The following MEI4 variants were observed in gnomAD, a reference collection of about 807,000 sequenced individuals.
MEI4 encodes the protein meiosis-specific protein MEI4.
In MEI4, 27 loss-of-function variants were observed where a neutral mutation model predicts 31.4. The ratio of observed to expected loss-of-function variants is 0.86; its 90% confidence interval spans 0.63 to 1.19. The LOEUF (loss-of-function observed/expected upper bound fraction) is 1.19, where lower values mean the gene tolerates loss of function less well. MEI4 is among the 50% of genes most tolerant of loss of function. MEI4 has a pLI of 0.00. For synonymous variants in MEI4, 122 were observed against 145.4 expected (o/e 0.84, Z 1.16); for missense variants, 329 against 398.9 (o/e 0.82, Z 1.49).
At chr6:77,758,622 A>G (rs1009137535) in intron 2 of MEI4, among the ~76,000 whole-genome samples, 5 of 152,042 alleles carry the variant, frequency 3.3e-5, no homozygotes. Flanking sequence ...GCACAACCCT[A>G]TACTTTTTCA....
At chr6:77,665,326 A>G (rs1033989959) in intron 1 of MEI4, among the ~76,000 whole-genome samples, 1 of 152,048 alleles carries the variant, frequency 6.6e-6, no homozygotes, top group African/African-American at 2.4e-5. Context: ...GTGAAAGATA[A>G]GGGGTTGAGG....
At chr6:77,713,424 A>C (rs201413720) in intron 2 of MEI4, among the ~76,000 whole-genome samples, 3 of 37,158 alleles carry the variant, frequency 8.1e-5, no homozygotes, top group Admixed American at 2.9e-4. Context: ...ATTCTGTCTT[A>C]TATAAACAAC....
chr6:77,872,364 G>A (rs1014450869), intron 4 of MEI4, among the ~76,000 whole-genome samples: 4 of 152,160 alleles, frequency 2.6e-5, no homozygotes, highest in African/African-American at 9.6e-5. Context: ...AGGATTGCTT[G>A]AGCCCTGGAG....
At chr6:77,761,931 C>A (rs1768056225) in intron 3 of MEI4, among the ~76,000 whole-genome samples, 1 of 152,144 alleles carries the variant, frequency 6.6e-6, no homozygotes, top group South Asian at 2.1e-4. Flanking sequence ...ATTATCAGCA[C>A]CCTTGGATTC....
chr6:77,742,210 G>T (rs535991417), intron 2 of MEI4, among the ~76,000 whole-genome samples: 266 of 151,810 alleles, frequency 1.8e-3, no homozygotes, highest in African/African-American at 4.2e-3. Context: ...ACTTCCACAA[G>T]GGTTGAACTA....
chr6:77,687,156 G>A (rs943103065), intron 1 of MEI4, among the ~76,000 whole-genome samples: 1 of 151,948 alleles, frequency 6.6e-6, no homozygotes. Flanking sequence ...TGTTACTATG[G>A]TAAGAACTGC....
At chr6:77,790,170 G>A (rs547678505) in intron 3 of MEI4, among the ~76,000 whole-genome samples, 12 of 148,448 alleles carry the variant, frequency 8.1e-5, no homozygotes, top group South Asian at 2.1e-4. Context: ...AGCAAACACC[G>A]CATGTTCTCA....
chr6:77,869,859 A>G (rs1384925114), intron 4 of MEI4, among the ~76,000 whole-genome samples: 1 of 152,152 alleles, frequency 6.6e-6, no homozygotes, highest in African/African-American at 2.4e-5. Flanking sequence ...ATATTTGGTG[A>G]ATACGAGAGT....
At chr6:77,761,857 T>C (rs960822855) in intron 3 of MEI4, among the ~76,000 whole-genome samples, 192 bp downstream of exon 3, 5 of 152,192 alleles carry the variant, frequency 3.3e-5, no homozygotes, top group African/African-American at 1.2e-4. Flanking sequence ...ACAGCATAGT[T>C]TTCTGCATAG....
chr6:77,691,795 CA>C (rs961221522), intron 2 of MEI4, among the ~76,000 whole-genome samples: 2 of 151,894 alleles, frequency 1.3e-5, no homozygotes, highest in African/African-American at 4.8e-5. Context: ...AACACAGGGG[CA>C]AACCTGGGTT....
intron 1 of MEI4, among the ~76,000 whole-genome samples, chr6:77,670,440 T>C (rs949038170): frequency 6.6e-6 from 1 of 152,098 alleles, no homozygotes; most frequent in Non-Finnish European, 1.5e-5. Context: ...TAGGTTAAAA[T>C]CTTAGCACTG....
At chr6:77,817,505 C>A (rs1016039629) in intron 3 of MEI4, among the ~76,000 whole-genome samples, 1 of 152,098 alleles carries the variant, frequency 6.6e-6, no homozygotes, top group Non-Finnish European at 1.5e-5. Context: ...GTGCCTTTTT[C>A]ATTCCCCATA....
chr6:77,748,271 G>A (rs989675330), intron 2 of MEI4, among the ~76,000 whole-genome samples: 3 of 152,224 alleles, frequency 2.0e-5, no homozygotes, highest in African/African-American at 7.2e-5. Flanking sequence ...CTCTCCCCCT[G>A]CAGCAGACTT....
intron 4 of MEI4, among the ~76,000 whole-genome samples, chr6:77,889,532 G>A (rs1427692486): frequency 6.6e-6 from 1 of 152,200 alleles, no homozygotes; most frequent in Non-Finnish European, 1.5e-5. Flanking sequence ...AGGTGACAGA[G>A]TATAAAAGTT....
chr6:77,748,430 T>G (rs981840888), intron 2 of MEI4, among the ~76,000 whole-genome samples: 6 of 152,216 alleles, frequency 3.9e-5, no homozygotes, highest in African/African-American at 1.4e-4. Context: ...AGCCCAAGCT[T>G]TACTGTGGCC....
At chr6:77,883,735 T>TATACATATAC (rs1771552866) in intron 4 of MEI4, among the ~76,000 whole-genome samples, 1 of 116,742 alleles carries the variant, frequency 8.6e-6, no homozygotes, top group African/African-American at 2.9e-5. Context: ...TATATATATA[T>TATACATATAC]ATATATATAA....
chr6:77,713,446 G>C (rs771757496), intron 2 of MEI4, among the ~76,000 whole-genome samples: 9 of 152,134 alleles, frequency 5.9e-5, no homozygotes, highest in African/African-American at 1.2e-4. Context: ...GAATCTAGCT[G>C]TTAAGTAGAT....
intron 2 of MEI4, among the ~76,000 whole-genome samples, chr6:77,695,888 A>G: frequency 6.6e-6 from 1 of 151,788 alleles, no homozygotes; most frequent in Admixed American, 6.5e-5. Flanking sequence ...GATTCTTCCT[A>G]CCCATGAGCA....
At chr6:77,652,226 C>T (rs1008507313), upstream of MEI4, among the ~76,000 whole-genome samples, 3 of 152,052 alleles carry the variant, frequency 2.0e-5, no homozygotes, top group African/African-American at 4.8e-5. Context: ...ATCATAATGA[C>T]GAGATACTAA....
Sources: gnomAD v4.1 joint callset for allele counts (sites outside exome capture counted in the v4.1 genomes callset) on GRCh38, gnomAD v4.1.1 for gene constraint, MANE v1.5 for transcripts, NCBI Gene and HGNC (gene_info 2026-07-23, HGNC 2026-07-21) for gene names.